Variants in PTPRD observed in about 807,000 individuals in gnomAD.
PTPRD encodes the protein receptor-type tyrosine-protein phosphatase delta.
PTPRD carries 34 observed loss-of-function variants against 214.5 expected under a neutral mutation model. The observed-to-expected ratio is 0.16, with a 90% CI of 0.12 to 0.21. The LOEUF (loss-of-function observed/expected upper bound fraction) is 0.21, where lower values mean the gene tolerates loss of function less well. Ranked by LOEUF, PTPRD falls within the 10% of genes least tolerant of loss-of-function variation. The pLI is 1.00. For missense variants in PTPRD, 2,545 were observed against 2,398.7 expected (o/e 1.06, Z -1.27); for synonymous variants, 1,128 against 845.7 (o/e 1.33, Z -5.79).
chr9:8,648,794 T>C (rs1447486996), intron 12 of PTPRD, among the ~76,000 whole-genome samples: 3 of 152,230 alleles, frequency 2.0e-5, no homozygotes, highest in Admixed American at 2.0e-4. Flanking sequence ...AGCCATTTAA[T>C]ATAGACACAC....
intron 2 of PTPRD, among the ~76,000 whole-genome samples, chr9:10,394,497 CAATAATAAT>C (rs1385798149): frequency 1.3e-5 from 2 of 151,554 alleles, no homozygotes; most frequent in Non-Finnish European, 2.9e-5. Flanking sequence ...CCTTTTTCAT[CAATAATAAT>C]AATTGCTACA....
At chr9:8,834,085 C>G (rs1197969611) in intron 11 of PTPRD, among the ~76,000 whole-genome samples, 1 of 151,984 alleles carries the variant, frequency 6.6e-6, no homozygotes, top group Admixed American at 6.6e-5. Context: ...CAGAAGGAAT[C>G]CTGGTAGAAA....
intron 44 of PTPRD, 68 bp downstream of exon 44, chr9:8,331,497 TAAGCAAACTTACTACAA>T (rs1841027920): frequency 6.8e-7 from 1 of 1,478,132 alleles, no homozygotes; most frequent in Admixed American, 2.1e-5. Context: ...AAATTTCAAA[TAAGCAAACTTACTACAA>T]AAAGTGTATA....
At chr9:8,629,697 T>C (rs1183603181) in intron 14 of PTPRD, among the ~76,000 whole-genome samples, 1 of 151,762 alleles carries the variant, frequency 6.6e-6, no homozygotes. Flanking sequence ...AAGTGTTGTA[T>C]CATTAGGGAG....
At chr9:10,578,288 G>C (rs781339722) in intron 2 of PTPRD, among the ~76,000 whole-genome samples, 3 of 151,990 alleles carry the variant, frequency 2.0e-5, no homozygotes, top group Non-Finnish European at 4.4e-5. Context: ...AGATTATAAT[G>C]ATTTGAGTTT....
rs759113691 is a variant in PTPRD, at chr9:8,504,392, A to G, written c.1691T>C (p.Ile564Thr). 1.9e-6 allele frequency: 3 copies of G among 1,613,952 alleles called. No homozygotes were observed. The highest frequency in any genetic ancestry group is 2.7e-5 in the African/African-American group (2 of 74,898). The change falls in exon 23 of 46, where the codon ATT (isoleucine) becomes ACT (threonine). Residue 564 changes from isoleucine to threonine, a missense_variant. Ile to Thr is a moderately conservative substitution (Grantham distance 89, BLOSUM62 -1). Coordinates refer to ENST00000381196, the MANE Select transcript of PTPRD (RefSeq NM_002839.4). The part of the protein sequence containing the change: ...GEHGEEQRIT[I>T]EPGTSYRLQG... ...CAGCCTATATGATGTCCCTGGCTCA[A>G]TGGTAATTCGTTGCTGGAAGCAATA...
intron 14 of PTPRD, among the ~76,000 whole-genome samples, chr9:8,549,841 C>G (rs1190549841): frequency 6.6e-6 from 1 of 152,126 alleles, no homozygotes; most frequent in Non-Finnish European, 1.5e-5. Flanking sequence ...AGATACTATT[C>G]TTAACTCTTG....
intron 22 of PTPRD, among the ~76,000 whole-genome samples, chr9:8,505,836 T>G (rs2097533970): frequency 6.6e-6 from 1 of 152,144 alleles, no homozygotes; most frequent in South Asian, 2.1e-4. Context: ...TCCTTTACTC[T>G]TTGTATATAT....
At chr9:8,810,656 T>G (rs1330382229) in intron 11 of PTPRD, among the ~76,000 whole-genome samples, 2 of 152,194 alleles carry the variant, frequency 1.3e-5, no homozygotes, top group East Asian at 3.9e-4. Flanking sequence ...AGATCTGAAT[T>G]TTTATTTGCC....
chr9:8,947,741 G>A (rs1313452617), intron 11 of PTPRD, among the ~76,000 whole-genome samples: 1 of 152,040 alleles, frequency 6.6e-6, no homozygotes, highest in Non-Finnish European at 1.5e-5. Flanking sequence ...TTATGTACAT[G>A]TTCTGTATTC....
chr9:9,442,566 T>G (rs2088505936), intron 8 of PTPRD, among the ~76,000 whole-genome samples: 2 of 152,322 alleles, frequency 1.3e-5, no homozygotes, highest in East Asian at 3.9e-4. Context: ...AATGAAGGTA[T>G]AAATGACTGT....
chr9:10,473,982 GA>G (rs1451072236), intron 2 of PTPRD, among the ~76,000 whole-genome samples: 1 of 152,028 alleles, frequency 6.6e-6, no homozygotes, highest in Non-Finnish European at 1.5e-5. Flanking sequence ...GCTCCTGAAG[GA>G]AGCACTAAAT....
intron 7 of PTPRD, among the ~76,000 whole-genome samples, chr9:9,706,023 C>A (rs571656171): frequency 6.6e-6 from 1 of 152,058 alleles, no homozygotes. Context: ...ATGATAATAT[C>A]TTCTTGCAAA....
intron 2 of PTPRD, among the ~76,000 whole-genome samples, chr9:10,513,919 G>A (rs562084861): frequency 1.4e-3 from 216 of 152,222 alleles, no homozygotes; most frequent in Admixed American, 3.5e-3. Context: ...AGGGTTCCAA[G>A]CAATGCAAAA....
intron 3 of PTPRD, among the ~76,000 whole-genome samples, chr9:10,230,574 C>T (rs577532591): frequency 2.5e-4 from 38 of 151,968 alleles, no homozygotes; most frequent in Non-Finnish European, 4.1e-4. Flanking sequence ...GAGATTTATA[C>T]CTGTTTTCCT....
At chr9:8,859,866 T>C (rs530487281) in intron 11 of PTPRD, 2 of 152,172 alleles carry the variant, frequency 1.3e-5, no homozygotes, top group Admixed American at 1.3e-4. Flanking sequence ...TGCTTTTTTA[T>C]GGTTAGGGTC....
intron 7 of PTPRD, among the ~76,000 whole-genome samples, chr9:9,655,160 A>G (rs560576848): frequency 4.3e-4 from 66 of 152,306 alleles, no homozygotes; most frequent in African/African-American, 1.5e-3. Flanking sequence ...GATTAAGAGA[A>G]TAAGACAAGC....
chr9:8,979,886 A>G (rs534079991), intron 11 of PTPRD, among the ~76,000 whole-genome samples: 1 of 152,174 alleles, frequency 6.6e-6, no homozygotes, highest in South Asian at 2.1e-4. Flanking sequence ...AGATGAAATC[A>G]CCACTTTGAA....
chr9:10,120,514 T>G (rs78201807), intron 3 of PTPRD, among the ~76,000 whole-genome samples: 5,524 of 152,122 alleles, frequency 0.036, 334 homozygotes, highest in African/African-American at 0.13. Context: ...ACCATTAAAC[T>G]AAATTGTCAA....
Sources: allele counts gnomAD v4.1 joint callset (sites outside exome capture counted in the v4.1 genomes callset), GRCh38; gene constraint gnomAD v4.1.1; transcripts MANE v1.5; gene names NCBI Gene and HGNC (gene_info 2026-07-23, HGNC 2026-07-21).